TBC1D21: variants seen among roughly 807,000 people sequenced by gnomAD.
TBC1D21 encodes the protein male germ cell Rab GTPase-activating protein.
Under a neutral mutation model 46.0 loss-of-function variants are expected in TBC1D21, and 38 were observed. The observed-to-expected ratio is 0.83, with a 90% CI of 0.64 to 1.08. TBC1D21 has a LOEUF of 1.08. Ranked by LOEUF, TBC1D21 falls within the 50% of genes least tolerant of loss-of-function variation. The probability of loss-of-function intolerance (pLI) is 0.00; values close to 1 mark genes in which losing one functional copy is unlikely to be tolerated. For missense variants in TBC1D21, 415 were observed against 417.9 expected, an observed-to-expected ratio of 0.99 and a Z score of 0.06; for synonymous variants, 151 against 157.2, an observed-to-expected ratio of 0.96 and a Z score of 0.29.
the TBC1D21 span, among the ~76,000 whole-genome samples, chr15:73,901,210 C>G: frequency 6.6e-6 from 1 of 152,210 alleles, no homozygotes; most frequent in Non-Finnish European, 1.5e-5. Context: ...TCTCCATGAA[C>G]TGCTCTTGGC....
At chr15:73,888,814 AC>A (rs2068307081) in intron 10 of TBC1D21, among the ~76,000 whole-genome samples, 1 of 152,012 alleles carries the variant, frequency 6.6e-6, no homozygotes, top group South Asian at 2.1e-4. Context: ...CTTCAGAGAC[AC>A]AGACTGTGCC....
chr15:73,890,216 C>T (rs945567967), downstream of TBC1D21, among the ~76,000 whole-genome samples: 2 of 152,198 alleles, frequency 1.3e-5, no homozygotes, highest in African/African-American at 4.8e-5. Context: ...CTCTTAGTGA[C>T]CATCACTCCA....
chr15:73,903,280 A>G, the TBC1D21 span, among the ~76,000 whole-genome samples: 1 of 152,236 alleles, frequency 6.6e-6, no homozygotes, highest in African/African-American at 2.4e-5. Context: ...TGAGAGAACT[A>G]TCTGGCCTTG....
At chr15:73,873,894 G>A (rs1030319409) in intron 1 of TBC1D21, 125 bp downstream of exon 1, 14 of 1,092,650 alleles carry the variant, frequency 1.3e-5, no homozygotes, top group African/African-American at 4.7e-5. Context: ...GAGCAAGGGC[G>A]GTTGTACCTT....
chr15:73,876,846 C>G (rs2068077025), intron 1 of TBC1D21, among the ~76,000 whole-genome samples: 1 of 152,066 alleles, frequency 6.6e-6, no homozygotes. Flanking sequence ...TTGTTCACAG[C>G]TTGTGTAAGA....
the TBC1D21 span, among the ~76,000 whole-genome samples, chr15:73,902,901 C>T: frequency 2.6e-5 from 4 of 152,206 alleles, no homozygotes; most frequent in Non-Finnish European, 5.9e-5. Context: ...CTCTACATTT[C>T]CATCAATCCG....
chr15:73,898,455 T>C, the TBC1D21 span, among the ~76,000 whole-genome samples: 1 of 152,240 alleles, frequency 6.6e-6, no homozygotes, highest in Admixed American at 6.5e-5. Context: ...AGAAACAGAA[T>C]GTGAGTGAAC....
At chr15:73,896,454 G>C in the TBC1D21 span, among the ~76,000 whole-genome samples, 22 of 152,166 alleles carry the variant, frequency 1.4e-4, no homozygotes, top group East Asian at 2.9e-3. Flanking sequence ...GGCAATGAAG[G>C]TCATTGTAGT....
intron 1 of TBC1D21, among the ~76,000 whole-genome samples, chr15:73,880,655 C>T (rs1032386978): frequency 1.4e-4 from 21 of 152,070 alleles, no homozygotes; most frequent in South Asian, 4.2e-4. Flanking sequence ...CCTATAGTCC[C>T]AGCTACTCAG....
the TBC1D21 span, among the ~76,000 whole-genome samples, chr15:73,901,132 G>A: frequency 2.0e-5 from 3 of 152,202 alleles, no homozygotes; most frequent in African/African-American, 2.4e-5. Flanking sequence ...CTGGGGATGC[G>A]TAGCTGTGCC....
the TBC1D21 span, among the ~76,000 whole-genome samples, chr15:73,906,610 G>A: frequency 6.6e-6 from 1 of 152,146 alleles, no homozygotes; most frequent in Admixed American, 6.5e-5. Flanking sequence ...CTTCCTCTGG[G>A]AAGCAGCTTG....
intron 1 of TBC1D21, among the ~76,000 whole-genome samples, chr15:73,880,979 G>A (rs1227570558): frequency 6.6e-6 from 1 of 152,138 alleles, no homozygotes; most frequent in African/African-American, 2.4e-5. Context: ...GTATTACTAT[G>A]AGGGCCATAG....
chr15:73,901,089 A>C, the TBC1D21 span, among the ~76,000 whole-genome samples: 2 of 152,192 alleles, frequency 1.3e-5, no homozygotes, highest in African/African-American at 4.8e-5. Context: ...AGAGCAAAGA[A>C]AGAAGATTCA....
chr15:73,880,214 C>A (rs753811908), intron 1 of TBC1D21, among the ~76,000 whole-genome samples: 2 of 151,850 alleles, frequency 1.3e-5, no homozygotes, highest in Non-Finnish European at 2.9e-5. Flanking sequence ...ATTTTATAAG[C>A]ATTTTGAATT....
chr15:73,896,871 TC>T, the TBC1D21 span, among the ~76,000 whole-genome samples: 9 of 152,158 alleles, frequency 5.9e-5, no homozygotes, highest in Non-Finnish European at 7.3e-5. Flanking sequence ...CAACATGAAG[TC>T]CCAGTGCATG....
rs1360810249 is a variant in TBC1D21 at position 73,881,524 on chromosome 15, C to A, written c.168+18C>A. 3.1e-6 allele frequency: 5 copies of A among 1,612,234 alleles called. No individual in the cohort carries two copies. The African/African-American group carries it at 5.3e-5, about 17-fold the overall frequency. ...TGGAAAGGGTGGGTCCCCAAGCTAC[C>A]CTTGGCCTTGCCCTGGAACTGGGAG... On this transcript the variant is annotated intron_variant, in intron 2 of 10. Coordinates refer to ENST00000300504, the MANE Select transcript of TBC1D21 (RefSeq NM_153356.3).
intron 1 of TBC1D21, among the ~76,000 whole-genome samples, chr15:73,874,612 C>G (rs994953201): frequency 6.6e-6 from 1 of 152,168 alleles, no homozygotes; most frequent in Non-Finnish European, 1.5e-5. Flanking sequence ...TATTTCGACC[C>G]AGACAGGTGG....
At chr15:73,897,780 A>G in the TBC1D21 span, among the ~76,000 whole-genome samples, 1 of 152,206 alleles carries the variant, frequency 6.6e-6, no homozygotes, top group South Asian at 2.1e-4. Context: ...TCTGTTGTTC[A>G]TGGCTCTCAG....
At position 73,876,199 on chromosome 15, in the gene TBC1D21, G is replaced by GGC. The variant is rs2068057275; in HGVS notation, c.60+2430_60+2431insGC. Among the ~76,000 whole-genome samples, 2 of 28,314 alleles carry GGC rather than the reference G, an allele frequency of 7.1e-5. 1 individual carries two copies. The allele number at this position is 28,314 out of a possible 152,430, so 18.6% of individuals were successfully genotyped here. A position where few individuals can be genotyped will look rare whatever the true frequency, so the allele number is the denominator to read the frequency against. On this transcript the variant is annotated intron_variant, in intron 1 of 10. Coordinates refer to ENST00000300504, the MANE Select transcript of TBC1D21 (RefSeq NM_153356.3). Reference sequence around the variant, plus strand: ...GAAGAATCAGTGACTTTTTTTGTGGGTTTTTTTTTTTTTTTTTTTTTTTTT... The same window carrying GGC: ...GAAGAATCAGTGACTTTTTTTGTGGGGCTTTTTTTTTTTTTTTTTTTTTTTTT...
Sources: allele counts gnomAD v4.1 joint callset (sites outside exome capture counted in the v4.1 genomes callset), GRCh38; gene constraint gnomAD v4.1.1; transcripts MANE v1.5; gene names NCBI Gene and HGNC (gene_info 2026-07-23, HGNC 2026-07-21).